The following GABRA3 variants were observed in gnomAD, a reference collection of about 807,000 sequenced individuals.
GABRA3 encodes the protein gamma-aminobutyric acid receptor subunit alpha-3.
A neutral mutation model predicts 30.1 loss-of-function variants in GABRA3; 10 were observed. The observed-to-expected ratio is 0.33, with a 90% CI of 0.20 to 0.56. The LOEUF (loss-of-function observed/expected upper bound fraction) is 0.56, where lower values mean the gene tolerates loss of function less well. GABRA3 is among the 20% of genes least tolerant of loss of function. GABRA3 has a pLI of 0.89. For synonymous variants in GABRA3, 151 were observed against 146.8 expected, an observed-to-expected ratio of 1.03 and a Z score of -0.21; for missense variants, 233 against 392.0, an observed-to-expected ratio of 0.59 and a Z score of 3.42.
intron 8 of GABRA3, among the ~76,000 whole-genome samples, chrX:152,192,115 T>C (rs1462876462): frequency 8.9e-6 from 1 of 112,319 alleles, no homozygotes; most frequent in African/African-American, 3.2e-5. Flanking sequence ...CTGTGCCATA[T>C]CTCAGTAGAG....
intron 4 of GABRA3, among the ~76,000 whole-genome samples, chrX:152,280,410 A>G (rs1008661820): frequency 9.0e-6 from 1 of 111,559 alleles, no homozygotes; most frequent in African/African-American, 3.3e-5. Flanking sequence ...TGAAGTAGAC[A>G]TAGCTACTTT....
At chrX:152,261,710 T>A (rs11795900) in intron 4 of GABRA3, among the ~76,000 whole-genome samples, 11,752 of 111,706 alleles carry the variant, frequency 0.11, 494 homozygotes, top group South Asian at 0.12. Flanking sequence ...GTTGTTTTCA[T>A]GGGCTGGAGT....
intron 3 of GABRA3, among the ~76,000 whole-genome samples, chrX:152,291,691 T>G (rs969112592): frequency 1.8e-5 from 2 of 111,669 alleles, no homozygotes; most frequent in African/African-American, 6.5e-5. Context: ...GTTCCATCAA[T>G]ACCTAGTGTA....
chrX:152,182,603 TACTATATATGCATATATA>T (rs1937178804), intron 9 of GABRA3, among the ~76,000 whole-genome samples: 1 of 11,460 alleles, frequency 8.7e-5, no homozygotes, highest in Non-Finnish European at 1.5e-4. Context: ...ACACTATATA[TACTATATATGCATATATA>T]GTATATATAC....
chrX:152,393,580 G>C (rs1463896248), intron 1 of GABRA3: 1 of 293,307 alleles, frequency 3.4e-6, no homozygotes, highest in Non-Finnish European at 6.7e-6. Context: ...ATGCCCAGAT[G>C]GACAGGACAT....
intron 3 of GABRA3, 113 bp downstream of exon 3, chrX:152,345,468 T>G (rs1383266560): frequency 1.2e-6 from 1 of 816,682 alleles, no homozygotes; most frequent in Non-Finnish European, 1.7e-6. Flanking sequence ...AATTCAGCTT[T>G]ACACTAATCT....
chrX:152,430,599 C>G lies in GABRA3; in HGVS notation c.-27+20547G>C, dbSNP rs183260336. ...ATCTTCAAGGAATAAAAGCCCCAAACTGACAACATAAAAAGTGGTTCTGAA... is the reference window on the plus strand; with the variant it reads ...ATCTTCAAGGAATAAAAGCCCCAAAGTGACAACATAAAAAGTGGTTCTGAA... On this transcript the variant is annotated intron_variant, in intron 1 of 9. Transcript: ENST00000370314. Among the ~76,000 whole-genome samples the G allele has an allele frequency of 4.5e-5, 5 of 111,390 alleles. No homozygotes were observed. The East Asian group carries it at 1.4e-3, about 32-fold the overall frequency.
At chrX:152,428,738 T>C (rs184171357) in intron 1 of GABRA3, among the ~76,000 whole-genome samples, 126 of 111,754 alleles carry the variant, frequency 1.1e-3, no homozygotes, top group African/African-American at 4.0e-3. Flanking sequence ...TATTTACTTA[T>C]TTCTGCTTGG....
At chrX:152,250,318 T>C (rs1045485359) in intron 5 of GABRA3, among the ~76,000 whole-genome samples, 8 of 111,558 alleles carry the variant, frequency 7.2e-5, no homozygotes, top group African/African-American at 2.6e-4. Context: ...TTTATCTCTG[T>C]AGCTCAGCAG....
intron 1 of GABRA3, among the ~76,000 whole-genome samples, chrX:152,407,834 T>C (rs1929973081): frequency 9.0e-6 from 1 of 111,387 alleles, no homozygotes; most frequent in Non-Finnish European, 1.9e-5. Context: ...AACAAAATAC[T>C]AGTAAGCTGA....
chrX:152,339,217 C>T (rs1181719697), intron 3 of GABRA3, among the ~76,000 whole-genome samples: 1 of 110,276 alleles, frequency 9.1e-6, no homozygotes, highest in African/African-American at 3.3e-5. Flanking sequence ...AAAGAACACC[C>T]TATTATGTTG....
chrX:152,407,249 A>G (rs778656774), intron 1 of GABRA3, among the ~76,000 whole-genome samples: 4 of 111,804 alleles, frequency 3.6e-5, no homozygotes, highest in Non-Finnish European at 7.5e-5. Flanking sequence ...GAAATAAATG[A>G]TATTGACACT....
chrX:152,437,222 A>G (rs960455441), intron 1 of GABRA3, among the ~76,000 whole-genome samples: 54 of 112,177 alleles, frequency 4.8e-4, no homozygotes, highest in African/African-American at 1.6e-3. Flanking sequence ...ATATACTAGC[A>G]ATGAACAACT....
intron 1 of GABRA3, among the ~76,000 whole-genome samples, chrX:152,406,605 G>A (rs1277186680): frequency 9.9e-6 from 1 of 101,476 alleles, no homozygotes; most frequent in Non-Finnish European, 2.0e-5. Context: ...TTTTTATATG[G>A]CAAATGTTAT....
At chrX:152,379,133 G>A (rs1011998363) in intron 1 of GABRA3, among the ~76,000 whole-genome samples, 2 of 111,156 alleles carry the variant, frequency 1.8e-5, no homozygotes, top group Admixed American at 1.9e-4. Flanking sequence ...GAAATATGGA[G>A]AATACCATAC....
At chrX:152,448,803 G>A (rs1931148689) in intron 1 of GABRA3, among the ~76,000 whole-genome samples, 1 of 110,817 alleles carries the variant, frequency 9.0e-6, no homozygotes, top group Admixed American at 9.7e-5. Context: ...CCTATTGTCC[G>A]GATGCCATAT....
At chrX:152,178,906 C>T (rs935991799) in intron 9 of GABRA3, among the ~76,000 whole-genome samples, 1 of 111,716 alleles carries the variant, frequency 9.0e-6, no homozygotes, top group African/African-American at 3.2e-5. Flanking sequence ...TATATTTATA[C>T]TGCTACCAGT....
At chrX:152,211,090 C>T (rs906856247) in intron 6 of GABRA3, among the ~76,000 whole-genome samples, 1 of 110,704 alleles carries the variant, frequency 9.0e-6, no homozygotes, top group Non-Finnish European at 1.9e-5. Flanking sequence ...CTTACCTTTG[C>T]TATTCAGATG....
intron 3 of GABRA3, among the ~76,000 whole-genome samples, chrX:152,288,027 T>G (rs1377215530): frequency 9.0e-6 from 1 of 111,717 alleles, no homozygotes; most frequent in Non-Finnish European, 1.9e-5. Context: ...AGGTTAGAAA[T>G]AAGAATGGCA....
Sources: allele counts gnomAD v4.1 joint callset (sites outside exome capture counted in the v4.1 genomes callset), GRCh38; gene constraint gnomAD v4.1.1; transcripts MANE v1.5; gene names NCBI Gene and HGNC (gene_info 2026-07-23, HGNC 2026-07-21).